The following ADAT2 variants were observed in gnomAD, a reference collection of about 807,000 sequenced individuals.
The protein encoded by ADAT2 is adenosine deaminase tRNA specific 2.
In ADAT2, 26 loss-of-function variants were observed where a neutral mutation model predicts 25.9. The ratio of observed to expected loss-of-function variants is 1.00; its 90% CI spans 0.74 to 1.39. The LOEUF is 1.39. Among genes scored for constraint, ADAT2 ranks in the 40% most tolerant of loss-of-function variants. The pLI is 0.00. For synonymous variants in ADAT2, 76 were observed against 86.8 expected, an observed-to-expected ratio of 0.88 and a Z score of 0.69; for missense variants, 220 against 244.8, an observed-to-expected ratio of 0.90 and a Z score of 0.68.
intron 1 of ADAT2, among the ~76,000 whole-genome samples, chr6:143,448,117 T>C: frequency 6.6e-6 from 1 of 152,182 alleles, no homozygotes; most frequent in East Asian, 1.9e-4. Context: ...TGGATGAAGC[T>C]GTTAACCATC....
chr6:143,439,546 C>T (rs188402462), intron 1 of ADAT2, among the ~76,000 whole-genome samples: 1 of 152,246 alleles, frequency 6.6e-6, no homozygotes, highest in East Asian at 1.9e-4. Context: ...CATGGATGAG[C>T]CTCATAGACA....
At position 143,433,889 on chromosome 6, in the gene ADAT2, A is replaced by T; in HGVS notation, c.294T>A (p.Thr98=). ...GKSPSEVFEH[T]VLYVTVEPCI... ...ACGGCTCCACAGTGACATACAACAC[A>T]GTGTGTTCAAATACTTCAGAGGGAC... Residue 98 remains threonine, a synonymous_variant, in exon 3 of 6, where the codon ACT becomes ACA. Transcript: ENST00000237283. 2 of 1,614,198 alleles carry T rather than the reference A, an allele frequency of 1.2e-6. No homozygotes were observed. Among genetic ancestry groups the T allele is most frequent in the Admixed American group, 3.3e-5 (2 of 60,024 alleles).
intron 1 of ADAT2, 71 bp downstream of exon 1, chr6:143,450,492 C>T: frequency 6.6e-7 from 1 of 1,525,722 alleles, no homozygotes; most frequent in African/African-American, 1.4e-5. Context: ...AACGTTTGCT[C>T]AAATGCCGGG....
rs1220058436 is a variant in ADAT2 at position 143,422,932 on chromosome 6, C to T, written c.*5531G>A. ...TTAAAATGTATACAAGGAAATAAAA[C>T]ATTCTAAGCCAGAAAACATATTTTG... On this transcript the variant is annotated 3_prime_UTR_variant, in exon 6 of 6. Coordinates refer to ENST00000237283, the MANE Select transcript of ADAT2 (RefSeq NM_182503.3). The surrounding 1 kb of genome is among the most constrained non-coding windows in gnomAD (Gnocchi z 4.3). 3 of 152,180 alleles carry T rather than the reference C, an allele frequency of 2.0e-5. No homozygotes were observed. Among genetic ancestry groups the T allele is most frequent in the African/African-American group, 7.2e-5 (3 of 41,436 alleles). The allele number at this position is 152,180 out of a possible 1,614,324, so 9.4% of individuals were successfully genotyped here. A position where few individuals can be genotyped will look rare whatever the true frequency, so the allele number is the denominator to read the frequency against.
At chr6:143,431,851 T>C (rs965896867) in intron 4 of ADAT2, among the ~76,000 whole-genome samples, 5 of 152,230 alleles carry the variant, frequency 3.3e-5, no homozygotes, top group African/African-American at 9.6e-5. Context: ...AGTAGGGGTA[T>C]AGTCACAGGC....
At chr6:143,445,949 GA>G (rs1779586772) in intron 1 of ADAT2, among the ~76,000 whole-genome samples, 1 of 151,280 alleles carries the variant, frequency 6.6e-6, no homozygotes, top group African/African-American at 2.4e-5. Flanking sequence ...CTTTTTTCTA[GA>G]AAACTTGCAA....
At chr6:143,438,112 A>G (rs968931644) in intron 2 of ADAT2, among the ~76,000 whole-genome samples, 2 of 152,214 alleles carry the variant, frequency 1.3e-5, no homozygotes, top group African/African-American at 4.8e-5. Context: ...CTCCAAAGCT[A>G]TACATTGAGG....
rs1275469674 is a variant in ADAT2, at chr6:143,426,664, C to G, written c.*1799G>C. The G allele has an allele frequency of 6.6e-6, 1 of 152,190 alleles. No individual in the cohort carries two copies. Among genetic ancestry groups the G allele is most frequent in the Admixed American group, 6.5e-5 (1 of 15,286 alleles). The allele number at this position is 152,190 out of a possible 1,614,324, so 9.4% of individuals were successfully genotyped here. A position where few individuals can be genotyped will look rare whatever the true frequency, so the allele number is the denominator to read the frequency against. ...CCTTCATTCTTTTAGTAGCGACAGT[C>G]TCTGGGCTAGAATGCTCATATACTA... On this transcript the variant is annotated 3_prime_UTR_variant, in exon 6 of 6. Coordinates refer to ENST00000237283, the MANE Select transcript of ADAT2 (RefSeq NM_182503.3). The surrounding 1 kb of genome is among the most constrained non-coding windows in gnomAD (Gnocchi z 4.1).
chr6:143,437,124 T>C lies in ADAT2; in HGVS notation c.201+1466A>G, dbSNP rs1427829073. Among the ~76,000 whole-genome samples the C allele has an allele frequency of 6.6e-6, 1 of 152,192 alleles. No homozygotes were observed. The highest frequency in any genetic ancestry group is 2.4e-5 in the African/African-American group (1 of 41,462). On this transcript the variant is annotated intron_variant, in intron 2 of 5. Coordinates refer to ENST00000237283, the MANE Select transcript of ADAT2 (RefSeq NM_182503.3). The surrounding 1 kb of genome is among the most constrained non-coding windows in gnomAD (Gnocchi z 4.1). Reference sequence around the variant, plus strand: ...CTACAGATTTTCTATGCAGTGAACATGGTTATATATAAATCTGAATTGTCC... The same window carrying C: ...CTACAGATTTTCTATGCAGTGAACACGGTTATATATAAATCTGAATTGTCC...
At chr6:143,447,860 T>C (rs1303276958) in intron 1 of ADAT2, among the ~76,000 whole-genome samples, 4 of 152,252 alleles carry the variant, frequency 2.6e-5, no homozygotes, top group Middle Eastern at 3.4e-3. Context: ...GATCTAAAAC[T>C]AGAAATGCCA....
At chr6:143,445,287 C>G (rs2128743720) in intron 1 of ADAT2, among the ~76,000 whole-genome samples, 1 of 152,078 alleles carries the variant, frequency 6.6e-6, no homozygotes. Flanking sequence ...CTTTTCAGAG[C>G]AGAAATCCCC....
chr6:143,448,500 C>T (rs1583994614), intron 1 of ADAT2, among the ~76,000 whole-genome samples: 1 of 151,748 alleles, frequency 6.6e-6, no homozygotes, highest in Non-Finnish European at 1.5e-5. Flanking sequence ...ATACATGTTA[C>T]ATACAAAAAA....
intron 3 of ADAT2, among the ~76,000 whole-genome samples, chr6:143,433,268 CAG>C (rs1280194341): frequency 2.0e-5 from 3 of 152,184 alleles, no homozygotes; most frequent in African/African-American, 4.8e-5. Context: ...GAAGTCCCTA[CAG>C]AGTCTCTGCA....
Position 143,436,625 on chromosome 6 carries a change from T to A in ADAT2, c.201+1965A>T, listed in dbSNP as rs1226786491. ...GGGGCCGAGAGCAACATGAATGACC[T>A]GGTATCAGAGTACCAACAGTATCAG... On this transcript the variant is annotated intron_variant, in intron 2 of 5. Coordinates refer to ENST00000237283, the MANE Select transcript of ADAT2 (RefSeq NM_182503.3). The surrounding 1 kb of genome is among the most constrained non-coding windows in gnomAD (Gnocchi z 4.1). The A allele has an allele frequency of 5.0e-6, 2 of 397,554 alleles. No individual in the cohort carries two copies. Among genetic ancestry groups the A allele is most frequent in the Non-Finnish European group, 1.0e-5 (2 of 197,054 alleles). The allele number at this position is 397,554 out of a possible 1,614,324, so 24.6% of individuals were successfully genotyped here.
In ADAT2 at chr6:143,442,473, G is replaced by A. The variant is rs905956264; in HGVS notation, c.97-3779C>T. Among the ~76,000 whole-genome samples, 9 of 75,048 alleles carry A rather than the reference G, an allele frequency of 1.2e-4. No homozygotes were observed. The highest frequency in any genetic ancestry group is 1.7e-4 in the Non-Finnish European group (6 of 35,114). 49.2% of individuals were successfully genotyped at this position (75,048 alleles called of 152,430 possible). On this transcript the variant is annotated intron_variant, in intron 1 of 5. Coordinates refer to ENST00000237283, the MANE Select transcript of ADAT2 (RefSeq NM_182503.3). The surrounding 1 kb of genome is among the most constrained non-coding windows in gnomAD (Gnocchi z 4.6). ...AAACATGACAAAATTGCATAGGCAC[G>A]CATACACACACACACACACACACAC...
chr6:143,425,261 T>C lies in ADAT2; in HGVS notation c.*3202A>G, dbSNP rs911269874. ...CCGGTGCAGTGGCTCACGTCTATAA[T>C]CCCAGTGCTTTGGGAGGCCAAGGAA... On this transcript the variant is annotated 3_prime_UTR_variant, in exon 6 of 6. Coordinates refer to ENST00000237283, the MANE Select transcript of ADAT2 (RefSeq NM_182503.3). The C allele has an allele frequency of 6.7e-6, 1 of 149,038 alleles. No homozygotes were observed. Among genetic ancestry groups the C allele is most frequent in the Non-Finnish European group, 1.5e-5 (1 of 68,068 alleles). The allele number at this position is 149,038 out of a possible 1,614,324, so 9.2% of individuals were successfully genotyped here. A position where few individuals can be genotyped will look rare whatever the true frequency, so the allele number is the denominator to read the frequency against.
chr6:143,445,826 T>C (rs1779583865), intron 1 of ADAT2, among the ~76,000 whole-genome samples: 1 of 152,170 alleles, frequency 6.6e-6, no homozygotes, highest in South Asian at 2.1e-4. Context: ...CCACATTTGT[T>C]GAAATGGTGT....
chr6:143,431,302 A>T (rs1251159996), intron 4 of ADAT2, among the ~76,000 whole-genome samples: 1 of 152,238 alleles, frequency 6.6e-6, no homozygotes, highest in African/African-American at 2.4e-5. Flanking sequence ...CATGTCACTG[A>T]CATGTTGGAG....
rs1260017780 is a variant in ADAT2, at chr6:143,425,044, C to T, written c.*3419G>A. On this transcript the variant is annotated 3_prime_UTR_variant, in exon 6 of 6. Transcript: ENST00000237283. ...ATGTGATATCCTGTGAGGAACTTAA[C>T]ATCAACCAGCACCTGAATCTAATCA... 1.3e-5 allele frequency: 2 copies of T among 152,098 alleles called. No homozygotes were observed. The highest frequency in any genetic ancestry group is 4.8e-5 in the African/African-American group (2 of 41,406). The allele number at this position is 152,098 out of a possible 1,614,324, so 9.4% of individuals were successfully genotyped here. A position where few individuals can be genotyped will look rare whatever the true frequency, so the allele number is the denominator to read the frequency against.
Sources: allele counts gnomAD v4.1 joint callset (sites outside exome capture counted in the v4.1 genomes callset), GRCh38; gene constraint gnomAD v4.1.1; non-coding constraint Gnocchi (gnomAD v3.1); transcripts MANE v1.5; gene names NCBI Gene and HGNC (gene_info 2026-07-23, HGNC 2026-07-21).